The following BMPR2 variants were observed in gnomAD, a reference collection of about 807,000 sequenced individuals.
BMPR2 encodes the protein bone morphogenetic protein receptor type 2.
BMPR2 carries 29 observed loss-of-function variants against 100.8 expected under a neutral mutation model. The ratio of observed to expected loss-of-function variants is 0.29; its 90% confidence interval spans 0.21 to 0.39. The LOEUF is 0.39. Among genes scored for constraint, BMPR2 ranks in the 10% least tolerant of loss-of-function variants. The pLI, the probability that BMPR2 is intolerant of heterozygous loss-of-function variation, is 1.00. For synonymous variants in BMPR2, 382 were observed against 442.3 expected (o/e 0.86, Z 1.71); for missense variants, 1,011 against 1,274.5 (o/e 0.79, Z 3.15).
intron 3 of BMPR2, among the ~76,000 whole-genome samples, chr2:202,513,197 G>C (rs985098497): frequency 1.1e-4 from 16 of 151,900 alleles, no homozygotes; most frequent in African/African-American, 3.9e-4. Context: ...CCTTGACCTT[G>C]TGGCCTCAAG....
chr2:202,558,294 T>C (rs112729529), intron 12 of BMPR2, among the ~76,000 whole-genome samples: 299 of 152,212 alleles, frequency 2.0e-3, no homozygotes, highest in African/African-American at 6.7e-3. Context: ...TGTATTTTAG[T>C]AAAGGAGGGG....
At chr2:202,470,749 C>T (rs553469216) in intron 3 of BMPR2, among the ~76,000 whole-genome samples, 15 of 131,310 alleles carry the variant, frequency 1.1e-4, no homozygotes, top group Middle Eastern at 6.1e-3. Flanking sequence ...CCGGCCTGGG[C>T]GACAGAGCGA....
intron 3 of BMPR2, among the ~76,000 whole-genome samples, chr2:202,473,487 C>T (rs1289632124): frequency 1.3e-5 from 2 of 151,972 alleles, no homozygotes; most frequent in African/African-American, 2.4e-5. Flanking sequence ...AACAAAAACA[C>T]ATTTTAAAAT....
At chr2:202,415,952 A>G (rs754752993) in intron 1 of BMPR2, among the ~76,000 whole-genome samples, 6 of 152,262 alleles carry the variant, frequency 3.9e-5, no homozygotes, top group Non-Finnish European at 8.8e-5. Flanking sequence ...TTCATAGGCT[A>G]TAGCTGCCAT....
intron 1 of BMPR2, among the ~76,000 whole-genome samples, chr2:202,382,998 A>G (rs556363269): frequency 6.6e-6 from 1 of 152,294 alleles, no homozygotes; most frequent in South Asian, 2.1e-4. Context: ...CTAACTCTCA[A>G]GTTCTATAAC....
At chr2:202,388,396 C>CAAAAAAAA (rs71406975) in intron 1 of BMPR2, among the ~76,000 whole-genome samples, 1 of 36,974 alleles carries the variant, frequency 2.7e-5, no homozygotes, top group Admixed American at 4.4e-4. Context: ...GACTCCATCT[C>CAAAAAAAA]AAAAAAAAAA....
intron 1 of BMPR2, among the ~76,000 whole-genome samples, chr2:202,449,024 A>G (rs1277415717): frequency 6.6e-6 from 1 of 151,312 alleles, no homozygotes; most frequent in East Asian, 1.9e-4. Context: ...AAGAGTTAAA[A>G]TAGCAGGCCT....
chr2:202,503,411 C>T lies in BMPR2; in HGVS notation c.419-10308C>T, dbSNP rs976277292. On this transcript the variant is annotated intron_variant, in intron 3 of 12. Coordinates refer to ENST00000374580, the MANE Select transcript of BMPR2 (RefSeq NM_001204.7). The surrounding 1 kb of genome is among the most constrained non-coding windows in gnomAD (Gnocchi z 4.0). The stretch of plus-strand genomic sequence containing the variant: ...GAGGCGCAAGCAGGAACCGGGGCGG[C>T]GTGCCGCGCTTGCGGGCCAGCCGGA... Among the ~76,000 whole-genome samples, 6 of 152,220 alleles carry T rather than the reference C, an allele frequency of 3.9e-5. No individual in the cohort carries two copies. The highest frequency in any genetic ancestry group is 1.9e-4 in the East Asian group (1 of 5,186).
intron 1 of BMPR2, among the ~76,000 whole-genome samples, chr2:202,418,798 T>C (rs1691194414): frequency 6.6e-6 from 1 of 152,184 alleles, no homozygotes; most frequent in South Asian, 2.1e-4. Context: ...TAAATGTATC[T>C]TATCAGTCTT....
chr2:202,560,399 C>A lies in BMPR2; in HGVS notation c.*453C>A, dbSNP rs187966248. 10 of 180,934 alleles carry A rather than the reference C, an allele frequency of 5.5e-5. No individual in the cohort carries two copies. The East Asian group carries it at 1.3e-3, about 24-fold the overall frequency. The allele number at this position is 180,934 out of a possible 1,614,324, so 11.2% of individuals were successfully genotyped here. On this transcript the variant is annotated 3_prime_UTR_variant, in exon 13 of 13. Coordinates refer to ENST00000374580, the MANE Select transcript of BMPR2 (RefSeq NM_001204.7). ...GCACAAGCTAGTTTTTATGTTGATA[C>A]GTTCCTGAACATATTATCTTGTTGG...
chr2:202,538,607 C>G (rs12471623), intron 9 of BMPR2, among the ~76,000 whole-genome samples: 11,478 of 152,052 alleles, frequency 0.075, 620 homozygotes, highest in Admixed American at 0.11. Context: ...GCCTGACCAA[C>G]GTGGTGAAAC....
intron 1 of BMPR2, among the ~76,000 whole-genome samples, chr2:202,384,097 A>G (rs1346802885): frequency 6.6e-6 from 1 of 151,862 alleles, no homozygotes; most frequent in Non-Finnish European, 1.5e-5. Context: ...ACTTGAACCC[A>G]GTAGGCAGAG....
chr2:202,519,181 G>A lies in BMPR2; in HGVS notation c.852+129G>A, dbSNP rs958647635. ...GTTCAGGACCAGCCTCGCCAACATGGCAAAACTCCCGTCTCTACTAAAAAT... is the reference window on the plus strand; with the variant it reads ...GTTCAGGACCAGCCTCGCCAACATGACAAAACTCCCGTCTCTACTAAAAAT... On this transcript the variant is annotated intron_variant, in intron 6 of 12. Coordinates refer to ENST00000374580, the MANE Select transcript of BMPR2 (RefSeq NM_001204.7). The A allele has an allele frequency of 4.3e-6, 4 of 922,938 alleles. No homozygotes were observed. In the African/African-American group the frequency reaches 6.6e-5, roughly 15 times the overall value. 57.2% of individuals were successfully genotyped at this position (922,938 alleles called of 1,614,324 possible).
At chr2:202,500,626 G>A (rs1015174556) in intron 3 of BMPR2, among the ~76,000 whole-genome samples, 6 of 152,200 alleles carry the variant, frequency 3.9e-5, no homozygotes, top group East Asian at 1.9e-4. Context: ...TTAAACATTT[G>A]AAAGCTCAAG....
chr2:202,514,289 T>A (rs985494549), intron 4 of BMPR2, among the ~76,000 whole-genome samples: 3 of 152,070 alleles, frequency 2.0e-5, no homozygotes, highest in African/African-American at 7.2e-5. Flanking sequence ...GGTGCCCACC[T>A]CCTCGCCCGG....
chr2:202,555,860 G>A lies in BMPR2; in HGVS notation c.2195G>A (p.Cys732Tyr), dbSNP rs1422236187. Residue 732 changes from cysteine to tyrosine, a missense_variant, in exon 12 of 13, where the codon TGT (cysteine) becomes TAT (tyrosine). Physicochemically the swap from Cys to Tyr is radical, Grantham distance 194. This residue lies in a region of BMPR2 where 508 missense variants were observed against 552.0 expected (regional missense o/e 0.92). Transcript: ENST00000374580. ...ACACAGACTGCAAATGGCCAAGCAT[G>A]TTTGATTCCTGATGTTCTGCCTACT... ...DFTQTANGQA[C>Y]LIPDVLPTQI... The A allele has an allele frequency of 1.9e-6, 3 of 1,614,170 alleles. No individual in the cohort carries two copies. The highest frequency in any genetic ancestry group is 1.3e-5 in the African/African-American group (1 of 75,054).
chr2:202,542,481 T>C, intron 10 of BMPR2, 34 bp downstream of exon 10: 15 of 1,607,924 alleles, frequency 9.3e-6, no homozygotes, highest in Non-Finnish European at 1.2e-5. Context: ...AGAGAGGACT[T>C]ATGACTGAAT....
At chr2:202,391,582 A>G (rs1690550106) in intron 1 of BMPR2, among the ~76,000 whole-genome samples, 1 of 146,344 alleles carries the variant, frequency 6.8e-6, no homozygotes. Flanking sequence ...ATGCACCAAC[A>G]CACCTGACCA....
chr2:202,536,870 C>CAAAAA (rs34999694), intron 9 of BMPR2, among the ~76,000 whole-genome samples: 2 of 84,232 alleles, frequency 2.4e-5, no homozygotes, highest in Non-Finnish European at 4.8e-5. Flanking sequence ...AACTCGGTCT[C>CAAAAA]AAAAAAAAAA....
Sources: gnomAD v4.1 joint callset for allele counts (sites outside exome capture counted in the v4.1 genomes callset) on GRCh38, gnomAD v4.1.1 for gene constraint, gnomAD v4.1.1 regional missense constraint, Gnocchi (gnomAD v3.1) non-coding constraint, MANE v1.5 for transcripts, NCBI Gene and HGNC (gene_info 2026-07-23, HGNC 2026-07-21) for gene names.